Variants in DMD observed in about 807,000 individuals in gnomAD.
DMD encodes dystrophin, also known as mutant dystrophin.
DMD carries 63 observed loss-of-function variants against 330.1 expected under a neutral mutation model. The observed-to-expected ratio is 0.19, with a 90% confidence interval of 0.16 to 0.24. The LOEUF is 0.24. DMD is among the 10% of genes least tolerant of loss of function. The pLI is 1.00. For synonymous variants in DMD, 1,223 were observed against 959.8 expected (o/e 1.27, Z -5.07); for missense variants, 3,344 against 2,684.1 (o/e 1.25, Z -5.43).
intron 50 of DMD, among the ~76,000 whole-genome samples, chrX:31,795,742 C>T (rs1412409071): frequency 8.9e-6 from 1 of 111,861 alleles, no homozygotes; most frequent in Non-Finnish European, 1.9e-5. Context: ...TATTATGATA[C>T]TTGCTGAAAT....
intron 55 of DMD, among the ~76,000 whole-genome samples, chrX:31,579,295 T>G (rs150455485): frequency 8.9e-6 from 1 of 112,170 alleles, no homozygotes; most frequent in African/African-American, 3.2e-5. Flanking sequence ...TCCAACAACA[T>G]TAAGACATGT....
rs750510962 is a variant in DMD, at chrX:31,178,008, G to A, written c.10224-38C>T. On this transcript the variant is annotated intron_variant, in intron 70 of 78. Transcript: ENST00000357033. ...AAATGAGGTGGTGAAGGAGACACAC[G>A]CAAACTCAGCCGCAAAAAAATTTAC... 2.1e-5 allele frequency: 25 copies of A among 1,164,244 alleles called. No homozygotes were observed. In the East Asian group the frequency reaches 2.7e-4, roughly 13 times the overall value.
rs768921619 is a variant in DMD at position 31,527,553 on chromosome X, T to C, written c.8218-20100A>G. 3.6e-5 allele frequency among the ~76,000 whole-genome samples: 4 copies of C among 112,018 alleles called. No individual in the cohort carries two copies. The South Asian group carries it at 1.5e-3, about 42-fold the overall frequency. On this transcript the variant is annotated intron_variant, in intron 55 of 78. Transcript: ENST00000357033. ...CAAATGTGTATACTTGTGAGAGATC[T>C]GGAAAGTGGAAGTGAGGCATAGGTC...
intron 47 of DMD, among the ~76,000 whole-genome samples, chrX:31,892,329 C>A (rs1222858536): frequency 9.0e-6 from 1 of 111,102 alleles, no homozygotes; most frequent in Non-Finnish European, 1.9e-5. Context: ...TTACGTGTAG[C>A]CTTGATGGGC....
intron 29 of DMD, among the ~76,000 whole-genome samples, chrX:32,426,431 G>A (rs2098213110): frequency 9.0e-6 from 1 of 111,547 alleles, no homozygotes; most frequent in Non-Finnish European, 1.9e-5. Context: ...ACGATAAGAT[G>A]CCATCTCGCA....
At chrX:33,062,711 C>G (rs767408274) in intron 1 of DMD, among the ~76,000 whole-genome samples, 1 of 111,296 alleles carries the variant, frequency 9.0e-6, no homozygotes, top group Non-Finnish European at 1.9e-5. Flanking sequence ...TCCTGGCCTC[C>G]GGTGATCCAC....
intron 43 of DMD, among the ~76,000 whole-genome samples, chrX:32,251,018 A>G (rs1392685985): frequency 9.2e-6 from 1 of 108,863 alleles, no homozygotes; most frequent in Non-Finnish European, 1.9e-5. Context: ...AGGGAGGGGA[A>G]CAACACACAC....
In DMD at chrX:33,153,568, T is replaced by C. The variant is rs144746795; in HGVS notation, c.31+57714A>G. ...AATTTAAAACGTATGAAAACTGGGATATATCAATTATCTTAAAGAAGATAT... is the reference window on the plus strand; with the variant it reads ...AATTTAAAACGTATGAAAACTGGGACATATCAATTATCTTAAAGAAGATAT... On this transcript the variant is annotated intron_variant, in intron 1 of 78. Coordinates refer to ENST00000357033, the MANE Select transcript of DMD (RefSeq NM_004006.3). 1.1e-3 allele frequency among the ~76,000 whole-genome samples: 121 copies of C among 112,937 alleles called. No homozygotes were observed. The East Asian group carries it at 0.03, about 28-fold the overall frequency.
intron 9 of DMD, among the ~76,000 whole-genome samples, chrX:32,688,574 G>T (rs1157998176): frequency 1.8e-5 from 2 of 111,787 alleles, no homozygotes; most frequent in Non-Finnish European, 3.8e-5. Flanking sequence ...CACTCTATGT[G>T]ATAGTGGAGG....
At chrX:32,527,879 A>G (rs2047066299) in intron 17 of DMD, among the ~76,000 whole-genome samples, 1 of 111,723 alleles carries the variant, frequency 9.0e-6, no homozygotes, top group African/African-American at 3.3e-5. Flanking sequence ...GTATAGTGTA[A>G]GTGTGTCTCC....
At chrX:33,219,388 A>G (rs2052125045) in intron 1 of DMD, among the ~76,000 whole-genome samples, 1 of 96,572 alleles carries the variant, frequency 1.0e-5, no homozygotes, top group Non-Finnish European at 2.1e-5. Context: ...CACCATCTTA[A>G]TTCCCTTTAA....
At chrX:32,268,394 T>C (rs1314432905) in intron 43 of DMD, among the ~76,000 whole-genome samples, 1 of 111,098 alleles carries the variant, frequency 9.0e-6, no homozygotes, top group African/African-American at 3.3e-5. Context: ...CTAACAAGAG[T>C]TGAAATATAA....
chrX:31,237,124 A>G (rs2047809076), intron 63 of DMD, among the ~76,000 whole-genome samples: 1 of 112,259 alleles, frequency 8.9e-6, no homozygotes, highest in African/African-American at 3.2e-5. Context: ...TGCAAAAAAC[A>G]TTTTTGCAAC....
intron 27 of DMD, among the ~76,000 whole-genome samples, chrX:32,442,469 A>G (rs1216076359): frequency 9.0e-6 from 1 of 111,388 alleles, no homozygotes; most frequent in African/African-American, 3.2e-5. Flanking sequence ...TACCATGTTG[A>G]TTGACACAAA....
chrX:32,364,510 T>A lies in DMD; in HGVS notation c.5154+72A>T, dbSNP rs1237792516. 8.0e-6 allele frequency: 9 copies of A among 1,125,260 alleles called. No homozygotes were observed. In the African/African-American group the frequency reaches 1.4e-4, roughly 18 times the overall value. The allele number at this position is 1,125,260 out of a possible 1,213,427, so 92.7% of individuals were successfully genotyped here. A position where few individuals can be genotyped will look rare whatever the true frequency, so the allele number is the denominator to read the frequency against. On this transcript the variant is annotated intron_variant, in intron 36 of 78. Transcript: ENST00000357033. ...TACTCTTATTAAGACGTCCTTAGTATCTTTTAGGACAAAGATGATTGAAGT... is the reference window on the plus strand; with the variant it reads ...TACTCTTATTAAGACGTCCTTAGTAACTTTTAGGACAAAGATGATTGAAGT...
intron 7 of DMD, among the ~76,000 whole-genome samples, chrX:32,722,331 T>C (rs1270274253): frequency 9.0e-6 from 1 of 111,037 alleles, no homozygotes; most frequent in Non-Finnish European, 1.9e-5. Flanking sequence ...AAATAATATA[T>C]GGTAACAACT....
intron 23 of DMD, among the ~76,000 whole-genome samples, chrX:32,467,423 A>C (rs2040144249): frequency 9.0e-6 from 1 of 110,684 alleles, no homozygotes; most frequent in African/African-American, 3.3e-5. Flanking sequence ...GCACTATTCA[A>C]ACAAATTAAG....
At chrX:31,822,653 G>GTGTGTGTGTGT (rs1556919106) in intron 49 of DMD, among the ~76,000 whole-genome samples, 763 of 65,798 alleles carry the variant, frequency 0.012, 11 homozygotes, top group South Asian at 0.028. Flanking sequence ...AAGGCAGAGG[G>GTGTGTGTGTGT]GTGTGTGTGT....
chrX:31,624,635 T>C (rs777897888), intron 55 of DMD, among the ~76,000 whole-genome samples: 1 of 111,948 alleles, frequency 8.9e-6, no homozygotes, highest in East Asian at 2.8e-4. Context: ...TCACTACTTT[T>C]GGGGTAGACA....
Sources: allele counts gnomAD v4.1 joint callset (sites outside exome capture counted in the v4.1 genomes callset), GRCh38; gene constraint gnomAD v4.1.1; transcripts MANE v1.5; gene names NCBI Gene and HGNC (gene_info 2026-07-23, HGNC 2026-07-21).